GAS2: variants seen among roughly 807,000 people sequenced by gnomAD.
GAS2 encodes growth arrest-specific protein 2.
A neutral mutation model predicts 37.5 loss-of-function variants in GAS2; 20 were observed. The observed-to-expected ratio is 0.53, with a 90% CI of 0.37 to 0.77. GAS2 has a LOEUF of 0.77. Ranked by LOEUF, GAS2 falls within the 30% of genes least tolerant of loss-of-function variation. The probability of loss-of-function intolerance (pLI) is 0.00; values close to 1 mark genes in which losing one functional copy is unlikely to be tolerated. For synonymous variants in GAS2, 144 were observed against 132.2 expected, an observed-to-expected ratio of 1.09 and a Z score of -0.61; for missense variants, 336 against 373.4, an observed-to-expected ratio of 0.90 and a Z score of 0.82.
At chr11:22,810,113 C>T (rs185887435) in intron 7 of GAS2, among the ~76,000 whole-genome samples, 7 of 152,212 alleles carry the variant, frequency 4.6e-5, no homozygotes, top group South Asian at 2.1e-4. Context: ...AAGCTTTATT[C>T]GGGTGCTGCA....
chr11:22,780,626 C>G (rs1426509422), intron 7 of GAS2, among the ~76,000 whole-genome samples: 1 of 148,690 alleles, frequency 6.7e-6, no homozygotes, highest in Non-Finnish European at 1.5e-5. Context: ...GCAGTAGTTA[C>G]TTAAAGAAGG....
chr11:22,810,528 C>T (rs906493730), intron 7 of GAS2, among the ~76,000 whole-genome samples: 1 of 152,176 alleles, frequency 6.6e-6, no homozygotes, highest in African/African-American at 2.4e-5. Flanking sequence ...ATTTCTCATA[C>T]TCTAAATGAG....
At chr11:22,764,682 C>G (rs1854591395) in intron 7 of GAS2, among the ~76,000 whole-genome samples, 1 of 151,996 alleles carries the variant, frequency 6.6e-6, no homozygotes, top group South Asian at 2.1e-4. Flanking sequence ...AATAATACAT[C>G]TGGGCAGTTT....
intron 2 of GAS2, among the ~76,000 whole-genome samples, chr11:22,678,570 CT>C: frequency 7.4e-6 from 1 of 135,396 alleles, no homozygotes; most frequent in East Asian, 2.0e-4. Flanking sequence ...TAAATTAAAG[CT>C]TTTAATTAGG....
upstream of GAS2, among the ~76,000 whole-genome samples, chr11:22,661,858 G>A (rs1400136762): frequency 6.6e-6 from 1 of 152,064 alleles, no homozygotes; most frequent in Non-Finnish European, 1.5e-5. Flanking sequence ...TTTACAGTCA[G>A]ATTTTTTTAA....
intron 7 of GAS2, among the ~76,000 whole-genome samples, chr11:22,786,912 C>CCT (rs1855845645): frequency 6.6e-6 from 1 of 152,110 alleles, no homozygotes; most frequent in African/African-American, 2.4e-5. Context: ...CTGAACAATG[C>CCT]ATATTAGAAT....
At chr11:22,742,103 T>C (rs1453645617) in intron 5 of GAS2, among the ~76,000 whole-genome samples, 1 of 152,104 alleles carries the variant, frequency 6.6e-6, no homozygotes, top group Non-Finnish European at 1.5e-5. Flanking sequence ...CCATAAGACC[T>C]GTTCCCTATC....
Position 22,755,855 on chromosome 11 carries a change from A to G in GAS2, c.625A>G (p.Ile209Val), listed in dbSNP as rs1172578085. ...GNLLDDAVKR[I>V]SEDPPCKCPN... is the part of the protein sequence containing the mutation. The stretch of plus-strand genomic sequence containing the variant: ...TGCTCTTCTATTTCAGGTGAAACGA[A>G]TTTCTGAAGATCCTCCTTGCAAATG... Residue 209 changes from isoleucine to valine, a missense_variant, in exon 7 of 8, where the codon ATT becomes GTT. Physicochemically the swap from Ile to Val is conservative, Grantham distance 29. Transcript: ENST00000454584. 1.2e-5 allele frequency: 20 copies of G among 1,612,526 alleles called. No homozygotes were observed. The highest frequency in any genetic ancestry group is 1.7e-5 in the Non-Finnish European group (20 of 1,178,930).
intron 3 of GAS2, among the ~76,000 whole-genome samples, chr11:22,692,575 G>A (rs1230535359): frequency 6.6e-6 from 1 of 152,130 alleles, no homozygotes; most frequent in Non-Finnish European, 1.5e-5. Context: ...AGAAATAGTC[G>A]CATTCTTTTG....
At chr11:22,710,776 G>A (rs938727274) in intron 3 of GAS2, among the ~76,000 whole-genome samples, 2 of 151,992 alleles carry the variant, frequency 1.3e-5, no homozygotes, top group African/African-American at 4.8e-5. Flanking sequence ...GTGACTTAAG[G>A]GTTTCCAAGA....
intron 1 of GAS2, among the ~76,000 whole-genome samples, chr11:22,652,626 T>C (rs1321107865): frequency 1.3e-5 from 2 of 152,188 alleles, no homozygotes; most frequent in East Asian, 3.9e-4. Context: ...TCTCCCGGTG[T>C]GCTGTGTTTT....
At chr11:22,810,938 G>GT (rs1175651137) in intron 7 of GAS2, among the ~76,000 whole-genome samples, 2 of 152,162 alleles carry the variant, frequency 1.3e-5, no homozygotes, top group African/African-American at 4.8e-5. Flanking sequence ...TACAGTGCCC[G>GT]TATGTATCCA....
chr11:22,715,605 G>A (rs752490620), intron 3 of GAS2, among the ~76,000 whole-genome samples: 7 of 151,778 alleles, frequency 4.6e-5, no homozygotes, highest in Non-Finnish European at 5.9e-5. Context: ...TACAGGAGAC[G>A]GATAAATTCC....
chr11:22,770,996 T>C (rs971512750), intron 7 of GAS2, among the ~76,000 whole-genome samples: 1 of 152,158 alleles, frequency 6.6e-6, no homozygotes. Flanking sequence ...ATTACTTAGA[T>C]AATTAGTGGG....
upstream of GAS2, among the ~76,000 whole-genome samples, chr11:22,666,209 T>C (rs1315315196): frequency 6.6e-6 from 1 of 152,210 alleles, no homozygotes; most frequent in African/African-American, 2.4e-5. Flanking sequence ...TGTATTTCCT[T>C]TGGTAAAGCA....
Position 22,726,299 on chromosome 11 carries a change from C to T in GAS2, c.275C>T (p.Pro92Leu), listed in dbSNP as rs750951015. ...MDANKPTKNL[P>L]LKKIPCKTSA... Reference sequence around the variant, plus strand: ...AATTTCTTTATTTTTCAGAATCTACCGTTGAAGAAGATCCCATGCAAAACC... The same window carrying T: ...AATTTCTTTATTTTTCAGAATCTACTGTTGAAGAAGATCCCATGCAAAACC... The change falls in exon 4 of 8, where the codon CCG (proline) becomes CTG (leucine). Residue 92 changes from proline (P) to leucine (L), a missense_variant. Coordinates refer to ENST00000454584, the MANE Select transcript of GAS2 (RefSeq NM_001143830.3). The T allele has an allele frequency of 1.8e-5, 28 of 1,597,272 alleles. No homozygotes were observed. The highest frequency in any genetic ancestry group is 3.7e-5 in the Admixed American group (2 of 54,308).
chr11:22,659,093 A>T (rs560930025), intron 1 of GAS2, among the ~76,000 whole-genome samples: 1 of 152,234 alleles, frequency 6.6e-6, no homozygotes, highest in African/African-American at 2.4e-5. Flanking sequence ...ACATGTGTCA[A>T]TGTGACTGGA....
chr11:22,762,483 A>G (rs1053536506), intron 7 of GAS2, among the ~76,000 whole-genome samples: 2 of 152,190 alleles, frequency 1.3e-5, no homozygotes, highest in Non-Finnish European at 2.9e-5. Flanking sequence ...CCTATAACAC[A>G]TTCCACTCCA....
chr11:22,783,667 G>A (rs1855678784), intron 7 of GAS2, among the ~76,000 whole-genome samples: 2 of 152,054 alleles, frequency 1.3e-5, no homozygotes, highest in Admixed American at 1.3e-4. Flanking sequence ...TTTTGAGTTA[G>A]CACCCCTTTG....
Sources: allele counts gnomAD v4.1 joint callset (sites outside exome capture counted in the v4.1 genomes callset), GRCh38; gene constraint gnomAD v4.1.1; transcripts MANE v1.5; gene names NCBI Gene and HGNC (gene_info 2026-07-23, HGNC 2026-07-21).